Variants in SPCS2 observed in about 807,000 individuals in gnomAD.
SPCS2 encodes SPase 25 kDa subunit.
SPCS2 carries 3 observed loss-of-function variants against 22.3 expected under a neutral mutation model. The ratio of observed to expected loss-of-function variants is 0.13; its 90% CI spans 0.06 to 0.35. SPCS2 has a LOEUF of 0.35. Ranked by LOEUF, SPCS2 falls within the 10% of genes least tolerant of loss-of-function variation. The pLI is 1.00. For synonymous variants in SPCS2, 67 were observed against 97.2 expected, an observed-to-expected ratio of 0.69 and a Z score of 1.83; for missense variants, 169 against 280.9, an observed-to-expected ratio of 0.60 and a Z score of 2.85.
intron 1 of SPCS2, among the ~76,000 whole-genome samples, chr11:74,950,145 G>C (rs1012088421): frequency 2.6e-5 from 4 of 152,176 alleles, no homozygotes; most frequent in African/African-American, 9.7e-5. Flanking sequence ...GGCCTTTCTT[G>C]CTCTTTGCAC....
At chr11:74,952,935 A>G (rs952562709) in intron 1 of SPCS2, among the ~76,000 whole-genome samples, 11 of 152,166 alleles carry the variant, frequency 7.2e-5, no homozygotes, top group African/African-American at 2.4e-4. Flanking sequence ...GTCTTGTATT[A>G]TTTCACCAAT....
intron 4 of SPCS2, among the ~76,000 whole-genome samples, chr11:74,974,393 C>T (rs1332393202): frequency 6.6e-6 from 1 of 152,212 alleles, no homozygotes; most frequent in South Asian, 2.1e-4. Flanking sequence ...CCTAACTCAT[C>T]TCTCACTCAT....
chr11:74,958,648 ATTC>A (rs1380792215), intron 1 of SPCS2, among the ~76,000 whole-genome samples: 8 of 152,044 alleles, frequency 5.3e-5, no homozygotes, highest in African/African-American at 1.2e-4. Context: ...TTCCTCCTGT[ATTC>A]TTCTTCTTGG....
chr11:74,963,954 T>C (rs777759847), intron 1 of SPCS2, among the ~76,000 whole-genome samples: 22 of 152,240 alleles, frequency 1.4e-4, no homozygotes, highest in Non-Finnish European at 2.8e-4. Flanking sequence ...TTAAGCTATA[T>C]TTACTTAAAT....
At position 74,965,080 on chromosome 11, in the gene SPCS2, C is replaced by T; in HGVS notation, c.161C>T (p.Ser54Leu). 6.4e-7 allele frequency: 1 copy of T among 1,551,238 alleles called. No individual in the cohort carries two copies. The highest frequency in any genetic ancestry group is 1.4e-5 in the African/African-American group (1 of 73,056). Residue 54 changes from serine to leucine, a missense_variant, in exon 2 of 5, where the codon TCA becomes TTA. Around this residue, in one of 2 missense-constraint regions of SPCS2, gnomAD observed 118 missense variants for 243.1 expected, o/e 0.49. Coordinates refer to ENST00000263672, the MANE Select transcript of SPCS2 (RefSeq NM_014752.3). ...GTAAAAATTGACAAGTGGGATGGATCAGCTGTGAAAAACTCTTTGGATGAT... is the reference window on the plus strand; with the variant it reads ...GTAAAAATTGACAAGTGGGATGGATTAGCTGTGAAAAACTCTTTGGATGAT... Reference protein sequence around the residue: ...KPVKIDKWDGSAVKNSLDDSA... With the variant: ...KPVKIDKWDGLAVKNSLDDSA...
At chr11:74,973,867 C>T (rs1332506991) in intron 4 of SPCS2, among the ~76,000 whole-genome samples, 1 of 152,088 alleles carries the variant, frequency 6.6e-6, no homozygotes, top group African/African-American at 2.4e-5. Context: ...CTATGGGATT[C>T]TATCTCTTCT....
At chr11:74,949,499 T>G in intron 1 of SPCS2, 100 bp downstream of exon 1, 1 of 1,073,194 alleles carries the variant, frequency 9.3e-7, no homozygotes, top group Non-Finnish European at 1.4e-6. Flanking sequence ...TACGGCCTTT[T>G]GAGGGGAGCC....
rs1948568607 is a variant in SPCS2 at position 74,969,553 on chromosome 11, C to T, written c.360-12C>T. On this transcript the variant is annotated splice_polypyrimidine_tract_variant and intron_variant, in intron 3 of 4. Transcript: ENST00000263672. The stretch of plus-strand genomic sequence containing the variant: ...TTATGTTTGGGTATTTTCCCCTTAA[C>T]TTTATTTGAACCTATTTTGTGATGA... 2 of 1,611,704 alleles carry T rather than the reference C, an allele frequency of 1.2e-6. No homozygotes were observed. Among genetic ancestry groups the T allele is most frequent in the African/African-American group, 2.7e-5 (2 of 74,846 alleles).
chr11:74,970,569 A>G (rs1948578549), intron 4 of SPCS2, among the ~76,000 whole-genome samples: 1 of 152,364 alleles, frequency 6.6e-6, no homozygotes, highest in African/African-American at 2.4e-5. Context: ...CACAAATTAT[A>G]GGTACAATTA....
chr11:74,967,324 T>G (rs1046550126), intron 3 of SPCS2, among the ~76,000 whole-genome samples: 3 of 152,230 alleles, frequency 2.0e-5, no homozygotes, highest in Non-Finnish European at 4.4e-5. Flanking sequence ...ATAGCAACAT[T>G]ATTACAAATA....
chr11:74,969,802 A>T (rs1948570129), intron 4 of SPCS2, 103 bp downstream of exon 4: 6 of 1,325,748 alleles, frequency 4.5e-6, no homozygotes, highest in Admixed American at 1.8e-5. Flanking sequence ...TATGTGGATC[A>T]TAGGGCTAGT....
intron 1 of SPCS2, among the ~76,000 whole-genome samples, chr11:74,951,592 C>T (rs1470256357): frequency 1.3e-5 from 2 of 151,934 alleles, no homozygotes; most frequent in Non-Finnish European, 2.9e-5. Flanking sequence ...AGGCGGATCA[C>T]CTGAGGTCGG....
At chr11:74,976,411 T>C (rs1283822021) in intron 4 of SPCS2, among the ~76,000 whole-genome samples, 1 of 152,226 alleles carries the variant, frequency 6.6e-6, no homozygotes, top group Non-Finnish European at 1.5e-5. Flanking sequence ...TTGATGGTAC[T>C]GTGGAAGACA....
chr11:74,971,731 ACT>A (rs1027967425), intron 4 of SPCS2, among the ~76,000 whole-genome samples: 4 of 151,874 alleles, frequency 2.6e-5, no homozygotes, highest in African/African-American at 2.4e-5. Context: ...AAGCTATGTG[ACT>A]CTCTCGCAAA....
At chr11:74,968,744 C>T (rs749480944) in intron 3 of SPCS2, among the ~76,000 whole-genome samples, 10 of 152,042 alleles carry the variant, frequency 6.6e-5, no homozygotes, top group Non-Finnish European at 7.4e-5. Context: ...AGGCTCATCT[C>T]GAACTCCTGA....
chr11:74,963,586 T>G (rs1194882260), intron 1 of SPCS2: 1 of 438,862 alleles, frequency 2.3e-6, no homozygotes, highest in East Asian at 7.3e-5. Context: ...TTTATTTATT[T>G]ATTTTCAGAG....
At chr11:74,957,826 T>C (rs1948488870) in intron 1 of SPCS2, among the ~76,000 whole-genome samples, 2 of 152,218 alleles carry the variant, frequency 1.3e-5, no homozygotes, top group Non-Finnish European at 2.9e-5. Flanking sequence ...GGTAAGAAAT[T>C]CATACTGGAT....
intron 4 of SPCS2, 95 bp from the exon 5 acceptor site, chr11:74,976,762 T>G: frequency 6.6e-7 from 1 of 1,508,412 alleles, no homozygotes; most frequent in Non-Finnish European, 9.1e-7. Flanking sequence ...CGTGCCCAGC[T>G]TACTCCTTTT....
chr11:74,976,090 G>T (rs1029195342), intron 4 of SPCS2, among the ~76,000 whole-genome samples: 1 of 152,188 alleles, frequency 6.6e-6, no homozygotes, highest in Non-Finnish European at 1.5e-5. Flanking sequence ...TGATTACAGA[G>T]TGCAAGGACT....
Sources: gnomAD v4.1 joint callset for allele counts (sites outside exome capture counted in the v4.1 genomes callset) on GRCh38, gnomAD v4.1.1 for gene constraint, gnomAD v4.1.1 regional missense constraint, MANE v1.5 for transcripts, NCBI Gene and HGNC (gene_info 2026-07-23, HGNC 2026-07-21) for gene names.